Variants in CFAP54 observed in about 807,000 individuals in gnomAD.
The protein encoded by CFAP54 is cilia and flagella associated protein 54, also known as cilia- and flagella-associated protein 54.
Under a neutral mutation model 370.4 loss-of-function variants are expected in CFAP54, and 290 were observed. The ratio of observed to expected loss-of-function variants is 0.78; its 90% CI spans 0.71 to 0.86. CFAP54 has a LOEUF of 0.86. Ranked by LOEUF, CFAP54 falls within the 40% of genes least tolerant of loss-of-function variation. CFAP54 has a pLI of 0.00. For missense variants in CFAP54, 3,399 were observed against 3,528.7 expected (o/e 0.96, Z 0.93); for synonymous variants, 1,206 against 1,236.5 (o/e 0.98, Z 0.52).
chr12:96,745,630 T>C (rs901448625), intron 55 of CFAP54, among the ~76,000 whole-genome samples: 2 of 150,400 alleles, frequency 1.3e-5, no homozygotes, highest in Non-Finnish European at 2.9e-5. Context: ...AGGTTGTCTG[T>C]TCATTCTGAT....
intron 26 of CFAP54, among the ~76,000 whole-genome samples, chr12:96,609,733 C>A (rs1264065039): frequency 6.6e-6 from 1 of 152,050 alleles, no homozygotes; most frequent in Non-Finnish European, 1.5e-5. Context: ...ATGTAATACA[C>A]TTACAAAATG....
rs145213398 is a variant in CFAP54, at chr12:96,742,511, C to T, written c.7144C>T (p.His2382Tyr). Residue 2382 changes from histidine (H) to tyrosine (Y), a missense_variant, in exon 52 of 68, where the codon CAT becomes TAT. This residue lies in a region of CFAP54 where 2,796 missense variants were observed against 2,869.7 expected (regional missense o/e 0.97). Transcript: ENST00000524981. ...AAATGCCCGAGAATATTTCAACATT[C>T]ATCTGTGGTTGAGGTGCCGCTTAGC... is the stretch of plus-strand genomic sequence containing the variant. ...SLNAREYFNIHLWLRCRLALV... is the reference protein window; with the variant it reads ...SLNAREYFNIYLWLRCRLALV... 1.5e-5 allele frequency: 24 copies of T among 1,612,786 alleles called. No individual in the cohort carries two copies. The East Asian group carries it at 5.4e-4, about 36-fold the overall frequency.
Position 96,786,867 on chromosome 12 carries a change from C to T in CFAP54, c.8648C>T (p.Ser2883Leu). 1 of 1,534,264 alleles carries T rather than the reference C, an allele frequency of 6.5e-7. No homozygotes were observed. Among genetic ancestry groups the T allele is most frequent in the Non-Finnish European group, 8.7e-7 (1 of 1,145,994 alleles). Residue 2883 changes from serine to leucine, a missense_variant, in exon 62 of 68, where the codon TCA (serine) becomes TTA (leucine). Coordinates refer to ENST00000524981, the MANE Select transcript of CFAP54 (RefSeq NM_001306084.2). Reference protein sequence around the residue: ...LLCQLENPPLSEKDLRESSAK... With the variant: ...LLCQLENPPLLEKDLRESSAK... ...TGTCAACTGGAAAATCCCCCTCTTTCAGAAAAAGACTTACGTGAATCATCT... is the reference window on the plus strand; with the variant it reads ...TGTCAACTGGAAAATCCCCCTCTTTTAGAAAAAGACTTACGTGAATCATCT...
At chr12:96,870,068 C>T (rs1054758571) in intron 67 of CFAP54, among the ~76,000 whole-genome samples, 9 of 151,382 alleles carry the variant, frequency 5.9e-5, no homozygotes, top group Non-Finnish European at 8.8e-5. Context: ...TTGAGACCAT[C>T]TGGCCAACAT....
chr12:96,807,681 G>A (rs1008282341), intron 63 of CFAP54, among the ~76,000 whole-genome samples: 1 of 152,144 alleles, frequency 6.6e-6, no homozygotes, highest in Non-Finnish European at 1.5e-5. Context: ...CTGAAAACAA[G>A]CTGGGAATAG....
chr12:96,635,127 C>A (rs1443330543), intron 32 of CFAP54, among the ~76,000 whole-genome samples: 1 of 152,080 alleles, frequency 6.6e-6, no homozygotes, highest in East Asian at 1.9e-4. Flanking sequence ...TTTTAAAGAT[C>A]TATTTCTTGT....
In CFAP54 at chr12:96,784,951, T is replaced by C. The variant is rs17025904; in HGVS notation, c.8455+61T>C. ...CTTTCTAATTCCCATTTAAGTCATGTTTCTTGTTGAGAATTATAAGATACT... is the reference window on the plus strand; with the variant it reads ...CTTTCTAATTCCCATTTAAGTCATGCTTCTTGTTGAGAATTATAAGATACT... On this transcript the variant is annotated intron_variant, in intron 61 of 67. Transcript: ENST00000524981. 6.1e-3 allele frequency: 7,503 copies of C among 1,236,486 alleles called. 329 individuals carry two copies. The East Asian group carries it at 0.11, about 18-fold the overall frequency. The allele number at this position is 1,236,486 out of a possible 1,614,324, so 76.6% of individuals were successfully genotyped here.
At position 96,651,805 on chromosome 12, in the gene CFAP54, G is replaced by C; in HGVS notation, c.5090G>C (p.Ser1697Thr). ...ATGTTAATACAACTACAAAATACCA[G>C]TTCTATTAAGGTAAAGACACTTTGG... is the stretch of plus-strand genomic sequence containing the variant. ...IDMLIQLQNT[S>T]SIKPIEDKGE... The change falls in exon 36 of 68, where the codon AGT (serine) becomes ACT (threonine). Residue 1697 changes from serine (S) to threonine (T), a missense_variant. Ser to Thr is a moderately conservative substitution (Grantham distance 58, BLOSUM62 1). Around this residue, in one of 3 missense-constraint regions of CFAP54, gnomAD observed 2,796 missense variants for 2,869.7 expected, o/e 0.97. Coordinates refer to ENST00000524981, the MANE Select transcript of CFAP54 (RefSeq NM_001306084.2). 1 of 1,577,286 alleles carries C rather than the reference G, an allele frequency of 6.3e-7. No individual in the cohort carries two copies. Among genetic ancestry groups the C allele is most frequent in the Non-Finnish European group, 8.7e-7 (1 of 1,147,504 alleles).
intron 67 of CFAP54, among the ~76,000 whole-genome samples, chr12:96,865,043 C>T (rs766389655): frequency 6.6e-6 from 1 of 152,190 alleles, no homozygotes; most frequent in South Asian, 2.1e-4. Flanking sequence ...CAGAAGTCCA[C>T]TGCTTAACTA....
intron 60 of CFAP54, among the ~76,000 whole-genome samples, chr12:96,767,653 TAGA>T (rs1958414253): frequency 6.6e-6 from 1 of 152,194 alleles, no homozygotes; most frequent in African/African-American, 2.4e-5. Flanking sequence ...GTGTTGGGGT[TAGA>T]AGGAGGTTCT....
In CFAP54 at chr12:96,669,126, C is replaced by A. The variant is rs574670689; in HGVS notation, c.5563+5194C>A. ...ATAAACAATAATAGTTAACAGCTAG[C>A]ACCTGCTTTTGTGAGACTGCAAGAA... On this transcript the variant is annotated intron_variant, in intron 39 of 67. Coordinates refer to ENST00000524981, the MANE Select transcript of CFAP54 (RefSeq NM_001306084.2). 5.3e-5 allele frequency among the ~76,000 whole-genome samples: 8 copies of A among 152,282 alleles called. No homozygotes were observed. In the East Asian group the frequency reaches 1.5e-3, roughly 29 times the overall value.
chr12:96,691,111 C>G lies in CFAP54; in HGVS notation c.6082-17C>G, dbSNP rs1436795387. The G allele has an allele frequency of 3.7e-6, 6 of 1,608,462 alleles. No individual in the cohort carries two copies. The African/African-American group carries it at 6.7e-5, about 18-fold the overall frequency. ...GCTATCTATAGCTCTTTATATTTCA[C>G]TTTTTTTCATTTTCAGGGTTTGCTT... On this transcript the variant is annotated splice_polypyrimidine_tract_variant and intron_variant, in intron 43 of 67. Transcript: ENST00000524981.
rs145921441 is a variant in CFAP54 at position 96,605,991 on chromosome 12, G to T, written c.3639+7224G>T. ...AACTAGAGATTAGGTGTACCTACCT[G>T]TAGGCATCCTTTATTTAAAAAGAAA... is the stretch of plus-strand genomic sequence containing the variant. On this transcript the variant is annotated intron_variant, in intron 26 of 67. Transcript: ENST00000524981. Among the ~76,000 whole-genome samples, 36 of 152,320 alleles carry T rather than the reference G, an allele frequency of 2.4e-4. No individual in the cohort carries two copies. In the East Asian group the frequency reaches 6.9e-3, roughly 29 times the overall value.
At chr12:96,511,063 G>C (rs753155179) in intron 4 of CFAP54, among the ~76,000 whole-genome samples, 1 of 152,048 alleles carries the variant, frequency 6.6e-6, no homozygotes, top group African/African-American at 2.4e-5. Context: ...TTAGTCGAGT[G>C]GTTTCTTCCC....
At chr12:96,715,690 A>T (rs1008551725) in intron 48 of CFAP54, among the ~76,000 whole-genome samples, 3 of 152,168 alleles carry the variant, frequency 2.0e-5, no homozygotes, top group African/African-American at 7.2e-5. Flanking sequence ...CTTCAAGGTA[A>T]TTCAATCTGA....
chr12:96,795,133 G>C (rs1958747183), intron 63 of CFAP54, among the ~76,000 whole-genome samples: 1 of 152,168 alleles, frequency 6.6e-6, no homozygotes, highest in African/African-American at 2.4e-5. Flanking sequence ...CACCTGCTCT[G>C]GTGGAGGTAG....
intron 50 of CFAP54, among the ~76,000 whole-genome samples, chr12:96,732,528 TTTTA>T (rs1298356352): frequency 6.6e-6 from 1 of 152,200 alleles, no homozygotes; most frequent in Non-Finnish European, 1.5e-5. Flanking sequence ...GCATAAAATA[TTTTA>T]TTTATTTTAA....
chr12:96,851,399 T>A (rs1959543075), intron 66 of CFAP54, among the ~76,000 whole-genome samples: 1 of 152,142 alleles, frequency 6.6e-6, no homozygotes, highest in South Asian at 2.1e-4. Flanking sequence ...TTTTTCCAAA[T>A]AATAAAGCTC....
chr12:96,874,643 T>G, intron 67 of CFAP54, among the ~76,000 whole-genome samples: 1 of 89,798 alleles, frequency 1.1e-5, no homozygotes, highest in Non-Finnish European at 2.1e-5. Context: ...TTTTTTTTTT[T>G]TTTTGAGACG....
Sources: allele counts gnomAD v4.1 joint callset (sites outside exome capture counted in the v4.1 genomes callset), GRCh38; gene constraint gnomAD v4.1.1; regional missense constraint gnomAD v4.1.1; transcripts MANE v1.5; gene names NCBI Gene and HGNC (gene_info 2026-07-23, HGNC 2026-07-21).